Variants in LRP1B observed in about 807,000 individuals in gnomAD.
The protein encoded by LRP1B is low-density lipoprotein receptor-related protein 1B.
LRP1B carries 217 observed loss-of-function variants against 556.6 expected under a neutral mutation model. The observed-to-expected ratio is 0.39, with a 90% confidence interval of 0.35 to 0.44. The LOEUF (loss-of-function observed/expected upper bound fraction) is 0.44, where lower values mean the gene tolerates loss of function less well. Ranked by LOEUF, LRP1B falls within the 20% of genes least tolerant of loss-of-function variation. The pLI, the probability that LRP1B is intolerant of heterozygous loss-of-function variation, is 1.00. For synonymous variants in LRP1B, 2,047 were observed against 1,865.8 expected (o/e 1.10, Z -2.50); for missense variants, 5,053 against 5,620.8 (o/e 0.90, Z 3.23).
At chr2:141,467,091 C>CAT (rs879850128) in intron 3 of LRP1B, among the ~76,000 whole-genome samples, 50,119 of 108,042 alleles carry the variant, frequency 0.46, 9,528 homozygotes, top group Admixed American at 0.53. Flanking sequence ...CACACACACA[C>CAT]ATATATATGT....
chr2:141,608,493 T>C (rs763514333), intron 2 of LRP1B, among the ~76,000 whole-genome samples: 21 of 152,180 alleles, frequency 1.4e-4, no homozygotes, highest in Admixed American at 3.3e-4. Context: ...CAGGTCACCA[T>C]TGTCCAATGA....
At chr2:140,255,305 A>C (rs1226109931) in intron 86 of LRP1B, among the ~76,000 whole-genome samples, 1 of 152,178 alleles carries the variant, frequency 6.6e-6, no homozygotes, top group African/African-American at 2.4e-5. Flanking sequence ...CAATGCCCAA[A>C]AAATTGATTC....
intron 1 of LRP1B, among the ~76,000 whole-genome samples, chr2:141,965,637 C>A (rs1374445282): frequency 5.7e-4 from 73 of 127,384 alleles, no homozygotes; most frequent in African/African-American, 2.0e-3. Context: ...GGGAGATATA[C>A]CTAATGCTAG....
rs563290927 is a variant in LRP1B at position 140,301,752 on chromosome 2, T to C, written c.12806-3783A>G. ...ATGTGTAGTGTTGCTTATATATATATACACATATATGTATATTTTCTGTAG... is the reference window on the plus strand; with the variant it reads ...ATGTGTAGTGTTGCTTATATATATACACACATATATGTATATTTTCTGTAG... On this transcript the variant is annotated intron_variant, in intron 83 of 90. Transcript: ENST00000389484. Among the ~76,000 whole-genome samples, 36 of 151,896 alleles carry C rather than the reference T, an allele frequency of 2.4e-4. No individual in the cohort carries two copies. The East Asian group carries it at 3.9e-3, about 16-fold the overall frequency.
At chr2:142,093,726 A>C (rs1344346003) in intron 1 of LRP1B, among the ~76,000 whole-genome samples, 1 of 152,050 alleles carries the variant, frequency 6.6e-6, no homozygotes, top group Non-Finnish European at 1.5e-5. Flanking sequence ...TTAAAGATAA[A>C]GATCTTGAGG....
intron 2 of LRP1B, among the ~76,000 whole-genome samples, chr2:141,588,934 C>T (rs1449578978): frequency 6.6e-6 from 1 of 152,022 alleles, no homozygotes; most frequent in Non-Finnish European, 1.5e-5. Flanking sequence ...GAGAATTTAA[C>T]CTGCAATCTT....
At chr2:140,594,234 C>A (rs1574119806) in intron 43 of LRP1B, among the ~76,000 whole-genome samples, 1 of 152,008 alleles carries the variant, frequency 6.6e-6, no homozygotes, top group African/African-American at 2.4e-5. Context: ...CCTCCCAAAG[C>A]TCTGGGATAA....
intron 2 of LRP1B, among the ~76,000 whole-genome samples, chr2:141,541,901 A>G (rs1685274572): frequency 6.6e-6 from 1 of 152,072 alleles, no homozygotes; most frequent in Non-Finnish European, 1.5e-5. Flanking sequence ...TGCTAAATAT[A>G]TATTACATAA....
intron 11 of LRP1B, among the ~76,000 whole-genome samples, chr2:141,043,665 T>G (rs1698774841): frequency 1.3e-5 from 2 of 151,978 alleles, no homozygotes; most frequent in South Asian, 4.1e-4. Flanking sequence ...TATTTAAATA[T>G]CTGCATTTGA....
At chr2:141,040,789 C>G (rs1574010030) in intron 11 of LRP1B, among the ~76,000 whole-genome samples, 1 of 152,084 alleles carries the variant, frequency 6.6e-6, no homozygotes, top group East Asian at 1.9e-4. Context: ...GGGGACAGGA[C>G]TGAGCTGAAG....
chr2:140,663,076 C>G (rs16844420), intron 41 of LRP1B, among the ~76,000 whole-genome samples: 1 of 152,038 alleles, frequency 6.6e-6, no homozygotes, highest in South Asian at 2.1e-4. Context: ...GAACAGCACA[C>G]AAGAATTTCA....
chr2:141,782,072 T>A (rs1695273420), intron 2 of LRP1B, among the ~76,000 whole-genome samples: 2 of 152,158 alleles, frequency 1.3e-5, no homozygotes, highest in African/African-American at 4.8e-5. Context: ...ATTGTAGTTT[T>A]TGGCTTGTCT....
At chr2:141,380,041 A>G (rs1689578589) in intron 3 of LRP1B, among the ~76,000 whole-genome samples, 1 of 152,096 alleles carries the variant, frequency 6.6e-6, no homozygotes, top group South Asian at 2.1e-4. Flanking sequence ...GAATTCAACT[A>G]CACTAATGTA....
At chr2:141,695,437 A>G (rs1396713687) in intron 2 of LRP1B, among the ~76,000 whole-genome samples, 1 of 152,016 alleles carries the variant, frequency 6.6e-6, no homozygotes, top group Non-Finnish European at 1.5e-5. Flanking sequence ...GTGCTGTAAC[A>G]AGTTCTTCAT....
intron 11 of LRP1B, among the ~76,000 whole-genome samples, chr2:141,021,708 C>CT (rs1386702317): frequency 6.6e-6 from 1 of 151,854 alleles, no homozygotes; most frequent in African/African-American, 2.4e-5. Flanking sequence ...TAACATATGA[C>CT]TTGAGACTTA....
At chr2:140,702,790 T>C (rs2105431980) in intron 37 of LRP1B, among the ~76,000 whole-genome samples, 1 of 152,218 alleles carries the variant, frequency 6.6e-6, no homozygotes, top group South Asian at 2.1e-4. Flanking sequence ...AAAATACCTT[T>C]TGTGCCTGCT....
At chr2:141,948,503 C>A (rs1439651856) in intron 1 of LRP1B, among the ~76,000 whole-genome samples, 3 of 151,850 alleles carry the variant, frequency 2.0e-5, no homozygotes, top group African/African-American at 7.3e-5. Flanking sequence ...CAAGAGCTTG[C>A]AAAGCATACC....
intron 41 of LRP1B, among the ~76,000 whole-genome samples, chr2:140,639,541 T>C (rs1340872075): frequency 6.6e-6 from 1 of 152,204 alleles, no homozygotes; most frequent in African/African-American, 2.4e-5. Flanking sequence ...AAAAATTCTT[T>C]CTGATTTCAG....
intron 1 of LRP1B, among the ~76,000 whole-genome samples, chr2:141,937,980 T>C (rs1012412088): frequency 2.0e-5 from 3 of 152,216 alleles, no homozygotes; most frequent in African/African-American, 7.2e-5. Flanking sequence ...TTGGTGCTTT[T>C]CTCAAAGTTT....
Sources: gnomAD v4.1 joint callset for allele counts (sites outside exome capture counted in the v4.1 genomes callset) on GRCh38, gnomAD v4.1.1 for gene constraint, MANE v1.5 for transcripts, NCBI Gene and HGNC (gene_info 2026-07-23, HGNC 2026-07-21) for gene names.